Variants in CNIH3 observed in about 807,000 individuals in gnomAD.
The protein encoded by CNIH3 is protein cornichon homolog 3.
CNIH3 carries 14 observed loss-of-function variants against 24.1 expected under a neutral mutation model. That is an observed-to-expected ratio of 0.58 (90% CI 0.38 to 0.91). The LOEUF (loss-of-function observed/expected upper bound fraction) is 0.91. Ranked by LOEUF, CNIH3 falls within the 40% of genes least tolerant of loss-of-function variation. CNIH3 has a pLI of 0.00. For synonymous variants in CNIH3, 68 were observed against 73.8 expected (o/e 0.92, Z 0.40); for missense variants, 178 against 196.8 (o/e 0.90, Z 0.57).
chr1:224,657,570 A>G (rs142144898), intron 1 of CNIH3, among the ~76,000 whole-genome samples: 6 of 152,232 alleles, frequency 3.9e-5, no homozygotes. Flanking sequence ...TAAAAGACAT[A>G]ATAAAAAATT....
At chr1:224,448,716 C>T (rs1675263166) in intron 1 of CNIH3, among the ~76,000 whole-genome samples, 1 of 152,108 alleles carries the variant, frequency 6.6e-6, no homozygotes, top group African/African-American at 2.4e-5. Context: ...TTTCATGTAC[C>T]CACACCAGAG....
chr1:224,495,756 C>T (rs1031693969), intron 1 of CNIH3, among the ~76,000 whole-genome samples: 7 of 151,936 alleles, frequency 4.6e-5, no homozygotes, highest in East Asian at 1.9e-4. Context: ...AGGAGGGGGT[C>T]GGGGAGCAGC....
At chr1:224,453,407 T>TG (rs1218497238) in intron 1 of CNIH3, among the ~76,000 whole-genome samples, 1 of 151,920 alleles carries the variant, frequency 6.6e-6, no homozygotes, top group African/African-American at 2.4e-5. Flanking sequence ...AGGCTGGTCT[T>TG]GAACTCCTAG....
chr1:224,555,872 C>G (rs952597498), intron 3 of CNIH3, among the ~76,000 whole-genome samples: 2 of 152,172 alleles, frequency 1.3e-5, no homozygotes, highest in Non-Finnish European at 2.9e-5. Flanking sequence ...TGGCCATGCT[C>G]CCGGTCATCC....
intron 4 of CNIH3, among the ~76,000 whole-genome samples, chr1:224,572,106 T>C (rs1454055573): frequency 6.6e-6 from 1 of 152,190 alleles, no homozygotes; most frequent in Non-Finnish European, 1.5e-5. Context: ...TTAACCACAC[T>C]GCAGAACTAG....
At chr1:224,590,774 C>T (rs2405310), downstream of CNIH3, among the ~76,000 whole-genome samples, 61,758 of 150,116 alleles carry the variant, frequency 0.41, 13,344 homozygotes, top group East Asian at 0.59. Flanking sequence ...TCATAGCTAA[C>T]GCCTTTGTGC....
chr1:224,688,767 C>A (rs1686783489), intron 3 of CNIH3, among the ~76,000 whole-genome samples: 1 of 151,658 alleles, frequency 6.6e-6, no homozygotes, highest in Non-Finnish European at 1.5e-5. Context: ...ATGGTGAAAC[C>A]CCCACAAATT....
At chr1:224,630,097 C>T (rs1029918440) in intron 1 of CNIH3, among the ~76,000 whole-genome samples, 1 of 152,086 alleles carries the variant, frequency 6.6e-6, no homozygotes, top group African/African-American at 2.4e-5. Context: ...GCGGTGTTTC[C>T]CATGATTTTA....
chr1:224,617,674 C>G (rs1235885891), intron 1 of CNIH3, among the ~76,000 whole-genome samples: 2 of 152,172 alleles, frequency 1.3e-5, no homozygotes, highest in Non-Finnish European at 2.9e-5. Context: ...TGGTGGGTTG[C>G]ATTTAGATAT....
chr1:224,575,426 C>T, intron 4 of CNIH3: 1 of 949,892 alleles, frequency 1.1e-6, no homozygotes, highest in Non-Finnish European at 1.6e-6. Context: ...GTGACCTATA[C>T]CGTGTTTTCT....
chr1:224,692,128 T>C (rs1032578145), intron 3 of CNIH3, among the ~76,000 whole-genome samples: 2 of 152,058 alleles, frequency 1.3e-5, no homozygotes, highest in African/African-American at 4.8e-5. Flanking sequence ...GACCCCCATA[T>C]CTACAAAAAG....
intron 1 of CNIH3, among the ~76,000 whole-genome samples, chr1:224,644,520 A>G (rs958400136): frequency 1.3e-5 from 2 of 152,312 alleles, no homozygotes; most frequent in South Asian, 2.1e-4. Context: ...TATGCCTGGC[A>G]TGCAGCAGGA....
At chr1:224,712,591 C>T (rs1050759728) in intron 3 of CNIH3, among the ~76,000 whole-genome samples, 8 of 152,074 alleles carry the variant, frequency 5.3e-5, no homozygotes, top group African/African-American at 1.9e-4. Context: ...TGAAGGGTAG[C>T]AGGAACTTGT....
At chr1:224,523,100 A>G (rs1014108931) in intron 2 of CNIH3, among the ~76,000 whole-genome samples, 1 of 152,114 alleles carries the variant, frequency 6.6e-6, no homozygotes, top group African/African-American at 2.4e-5. Context: ...TTAGATGAGC[A>G]TGGTACTGTG....
chr1:224,605,155 A>G (rs9660953), intron 3 of CNIH3, among the ~76,000 whole-genome samples: 3,515 of 152,336 alleles, frequency 0.023, 145 homozygotes, highest in African/African-American at 0.08. Context: ...AGAGCAAAGT[A>G]CCGCAAACAG....
At chr1:224,610,691 C>T (rs1045841790) in intron 3 of CNIH3, among the ~76,000 whole-genome samples, 1 of 152,098 alleles carries the variant, frequency 6.6e-6, no homozygotes, top group Non-Finnish European at 1.5e-5. Flanking sequence ...AGAGGTATTG[C>T]TATATATTAG....
chr1:224,686,276 G>A (rs569853091), intron 3 of CNIH3, among the ~76,000 whole-genome samples: 3 of 151,494 alleles, frequency 2.0e-5, no homozygotes, highest in African/African-American at 7.3e-5. Context: ...CTGTCCTTGC[G>A]ATAGTTTGCT....
At chr1:224,522,928 A>G (rs1011002298) in intron 2 of CNIH3, among the ~76,000 whole-genome samples, 5 of 152,206 alleles carry the variant, frequency 3.3e-5, no homozygotes, top group African/African-American at 1.2e-4. Context: ...GCGTATGTGT[A>G]AGAAAAAACA....
At chr1:224,508,656 AATG>A (rs2124887842) in intron 1 of CNIH3, among the ~76,000 whole-genome samples, 1 of 152,346 alleles carries the variant, frequency 6.6e-6, no homozygotes, top group East Asian at 1.9e-4. Context: ...ATGAAACTTC[AATG>A]ATATCCCATT....
Sources: gnomAD v4.1 joint callset for allele counts (sites outside exome capture counted in the v4.1 genomes callset) on GRCh38, gnomAD v4.1.1 for gene constraint, MANE v1.5 for transcripts, NCBI Gene and HGNC (gene_info 2026-07-23, HGNC 2026-07-21) for gene names.